The following TAFA2 variants were observed in gnomAD, a reference collection of about 807,000 sequenced individuals.
The protein encoded by TAFA2 is TAFA chemokine like family member 2.
A neutral mutation model predicts 18.8 loss-of-function variants in TAFA2; 7 were observed. The observed-to-expected ratio is 0.37, with a 90% CI of 0.21 to 0.70. The LOEUF is 0.70. TAFA2 is among the 30% of genes least tolerant of loss of function. TAFA2 has a pLI of 0.53. For synonymous variants in TAFA2, 60 were observed against 54.2 expected, an observed-to-expected ratio of 1.11 and a Z score of -0.47; for missense variants, 122 against 158.1, an observed-to-expected ratio of 0.77 and a Z score of 1.23.
intron 1 of TAFA2, among the ~76,000 whole-genome samples, chr12:61,935,876 A>G (rs1050187563): frequency 6.6e-6 from 1 of 152,080 alleles, no homozygotes; most frequent in African/African-American, 2.4e-5. Context: ...CTTACCAAAC[A>G]AAAAGATCTC....
At chr12:61,817,632 TACG>T in intron 2 of TAFA2, among the ~76,000 whole-genome samples, 1 of 152,228 alleles carries the variant, frequency 6.6e-6, no homozygotes, top group East Asian at 1.9e-4. Flanking sequence ...GGCAGCTAGG[TACG>T]CCCTGGGTCT....
At chr12:61,736,221 C>T (rs773555194) in intron 4 of TAFA2, among the ~76,000 whole-genome samples, 5 of 151,952 alleles carry the variant, frequency 3.3e-5, no homozygotes, top group African/African-American at 9.7e-5. Flanking sequence ...TTCCAAGAGC[C>T]GACTAATCTC....
intron 1 of TAFA2, among the ~76,000 whole-genome samples, chr12:61,935,566 A>ACAAGAATC (rs1877727820): frequency 6.6e-6 from 1 of 152,232 alleles, no homozygotes; most frequent in Admixed American, 6.5e-5. Context: ...TACAAGCTTA[A>ACAAGAATC]CAAGAATCAC....
chr12:62,213,619 G>A (rs889282484), intron 1 of TAFA2, among the ~76,000 whole-genome samples: 1 of 145,350 alleles, frequency 6.9e-6, no homozygotes, highest in Non-Finnish European at 1.5e-5. Context: ...CTCCAGTCTG[G>A]TGACAGACTG....
intron 1 of TAFA2, among the ~76,000 whole-genome samples, chr12:62,102,655 T>G (rs542059793): frequency 6.6e-6 from 1 of 152,184 alleles, no homozygotes; most frequent in African/African-American, 2.4e-5. Flanking sequence ...CATGGCTTTA[T>G]AGAGAACTCC....
chr12:62,177,504 T>G (rs1027293315), intron 1 of TAFA2, among the ~76,000 whole-genome samples: 2 of 152,208 alleles, frequency 1.3e-5, no homozygotes, highest in African/African-American at 4.8e-5. Context: ...TCCTGGGAGA[T>G]CTCAACCATT....
At chr12:61,947,788 AG>A (rs1214395778) in intron 1 of TAFA2, among the ~76,000 whole-genome samples, 1 of 152,160 alleles carries the variant, frequency 6.6e-6, no homozygotes, top group Non-Finnish European at 1.5e-5. Context: ...GTACCCTAAA[AG>A]ACTTTCCTAC....
At chr12:62,252,980 G>A (rs1297307912) in intron 1 of TAFA2, 2 of 152,050 alleles carry the variant, frequency 1.3e-5, no homozygotes, top group Non-Finnish European at 2.9e-5. Context: ...ATAATAGAAG[G>A]GATCCATGTA....
chr12:61,758,660 A>C (rs1403291258), intron 2 of TAFA2, among the ~76,000 whole-genome samples: 3 of 152,180 alleles, frequency 2.0e-5, no homozygotes, highest in Non-Finnish European at 4.4e-5. Flanking sequence ...TGAATTTACC[A>C]GGAAAGAGTG....
intron 1 of TAFA2, among the ~76,000 whole-genome samples, chr12:62,254,387 T>C (rs868675565): frequency 3.8e-4 from 58 of 152,306 alleles, no homozygotes; most frequent in African/African-American, 1.2e-3. Context: ...GAGTAGGGCA[T>C]ACAAATATAG....
At chr12:61,878,162 G>A (rs2121261991) in intron 1 of TAFA2, 2 of 447,982 alleles carry the variant, frequency 4.5e-6, no homozygotes, top group South Asian at 3.2e-5. Flanking sequence ...GAGAAATAGA[G>A]AGTTACTATT....
Position 61,984,081 on chromosome 12 carries a change from C to T in TAFA2, c.-1-116655G>A, listed in dbSNP as rs573020780. Among the ~76,000 whole-genome samples, 50 of 152,318 alleles carry T rather than the reference C, an allele frequency of 3.3e-4. No individual in the cohort carries two copies. The South Asian group carries it at 9.3e-3, about 28-fold the overall frequency. ...CACTCATTTTACCAACAATCTGTAT[C>T]CTCTAACACTGCTATATTATCCTTC... On this transcript the variant is annotated intron_variant, in intron 1 of 4. Transcript: ENST00000416284.
At chr12:62,052,043 G>A (rs1021730512) in intron 1 of TAFA2, among the ~76,000 whole-genome samples, 4 of 152,148 alleles carry the variant, frequency 2.6e-5, no homozygotes, top group African/African-American at 7.2e-5. Flanking sequence ...TAGGCCATAA[G>A]TGGCCCATAG....
intron 1 of TAFA2, among the ~76,000 whole-genome samples, chr12:62,051,851 C>T (rs908027341): frequency 4.6e-5 from 7 of 152,088 alleles, no homozygotes; most frequent in African/African-American, 9.6e-5. Context: ...ATAATTTACA[C>T]CAGGAGTCAG....
chr12:62,174,806 T>C (rs1264092911), intron 1 of TAFA2, among the ~76,000 whole-genome samples: 1 of 152,218 alleles, frequency 6.6e-6, no homozygotes, highest in Non-Finnish European at 1.5e-5. Context: ...TATTTCTCCT[T>C]ATATAACTGT....
chr12:62,025,784 T>C (rs999590982), intron 1 of TAFA2, among the ~76,000 whole-genome samples: 4 of 152,162 alleles, frequency 2.6e-5, no homozygotes, highest in Admixed American at 6.6e-5. Flanking sequence ...ATTCAAATTT[T>C]GTATTCTAGC....
intron 1 of TAFA2, among the ~76,000 whole-genome samples, chr12:62,130,227 C>CT (rs1870626506): frequency 6.6e-6 from 1 of 151,972 alleles, no homozygotes; most frequent in Non-Finnish European, 1.5e-5. Flanking sequence ...TAATGTCCCC[C>CT]TTAGCATTTT....
In TAFA2 at chr12:61,867,359, A is replaced by G; in HGVS notation, c.67T>C (p.Leu23=). The G allele has an allele frequency of 6.2e-7, 1 of 1,610,060 alleles. No homozygotes were observed. ...GCACTGGATACAACTTTCCCCCACAAGGTTACAATAAATATTATTATTAGC... is the reference window on the plus strand; with the variant it reads ...GCACTGGATACAACTTTCCCCCACAGGGTTACAATAAATATTATTATTAGC... ...KLLIIIFIVT[L]WGKVVSSANH... Residue 23 remains leucine, a synonymous_variant, in exon 2 of 5, where the codon TTG becomes CTG. Transcript: ENST00000416284.
chr12:61,976,561 T>G (rs565154806), intron 1 of TAFA2, among the ~76,000 whole-genome samples: 1 of 152,180 alleles, frequency 6.6e-6, no homozygotes, highest in South Asian at 2.1e-4. Context: ...TATTATACTT[T>G]AAGTTCTAGG....
Sources: gnomAD v4.1 joint callset for allele counts (sites outside exome capture counted in the v4.1 genomes callset) on GRCh38, gnomAD v4.1.1 for gene constraint, MANE v1.5 for transcripts, NCBI Gene and HGNC (gene_info 2026-07-23, HGNC 2026-07-21) for gene names.